Variants in TIAM2 observed in about 807,000 individuals in gnomAD.
The protein encoded by TIAM2 is rho guanine nucleotide exchange factor TIAM2.
In TIAM2, 80 loss-of-function variants were observed where a neutral mutation model predicts 152.9. The observed-to-expected ratio is 0.52, with a 90% CI of 0.44 to 0.63. The LOEUF (loss-of-function observed/expected upper bound fraction) is 0.63, where lower values mean the gene tolerates loss of function less well. TIAM2 is among the 30% of genes least tolerant of loss of function. The probability of loss-of-function intolerance (pLI) is 0.00; values close to 1 mark genes in which losing one functional copy is unlikely to be tolerated. For missense variants in TIAM2, 1,965 were observed against 2,120.1 expected (o/e 0.93, Z 1.44); for synonymous variants, 804 against 838.0 (o/e 0.96, Z 0.70).
chr6:154,998,185 C>G (rs374303498), intron 1 of TIAM2, among the ~76,000 whole-genome samples: 2 of 152,150 alleles, frequency 1.3e-5, no homozygotes, highest in South Asian at 4.1e-4. Context: ...TTTCTAGCCA[C>G]TCAGGTTTAC....
intron 1 of TIAM2, among the ~76,000 whole-genome samples, chr6:155,015,944 CA>C (rs3081689): frequency 0.087 from 5,378 of 61,846 alleles, 290 homozygotes; most frequent in African/African-American, 0.14. Context: ...TTCAAAAAAC[CA>C]AAAAAAAAAA....
chr6:155,187,664 C>T, intron 14 of TIAM2, among the ~76,000 whole-genome samples: 1 of 147,436 alleles, frequency 6.8e-6, no homozygotes, highest in African/African-American at 2.5e-5. Context: ...ACCGCAACCT[C>T]CACCTCCTGG....
intron 2 of TIAM2, among the ~76,000 whole-genome samples, chr6:155,099,548 GC>G (rs1395595604): frequency 6.6e-6 from 1 of 152,098 alleles, no homozygotes; most frequent in Non-Finnish European, 1.5e-5. Flanking sequence ...GTGGTATAAG[GC>G]TCACAAACGT....
chr6:155,106,161 C>T (rs1778683873), intron 2 of TIAM2, among the ~76,000 whole-genome samples: 1 of 151,908 alleles, frequency 6.6e-6, no homozygotes, highest in Non-Finnish European at 1.5e-5. Flanking sequence ...TGTATCACCA[C>T]ACCTGGCTAA....
rs200311020 is a variant in TIAM2, at chr6:155,129,445, C to T, written c.222C>T (p.Tyr74=). The change falls in exon 4 of 27, where the codon TAC becomes TAT. Residue 74 remains tyrosine, a synonymous_variant. Transcript: ENST00000682666. The surrounding 1 kb of genome is among the most constrained non-coding windows in gnomAD (Gnocchi z 4.8). ...CTCACTTTAAGAGTAACCAGCCTTA[C>T]GCATCGAGACTCGGTGGCCCCACAT... ...CLSHFKSNQP[Y]ASRLGGPTCK... 38 of 1,614,126 alleles carry T rather than the reference C, an allele frequency of 2.4e-5. No homozygotes were observed. Among genetic ancestry groups the T allele is most frequent in the African/African-American group, 2.1e-4 (16 of 75,034 alleles).
chr6:155,238,388 T>G (rs111500916), intron 15 of TIAM2, among the ~76,000 whole-genome samples: 1,870 of 152,334 alleles, frequency 0.012, 34 homozygotes, highest in Non-Finnish European at 0.015. Context: ...CCCTCCAAAC[T>G]GTTCCAACCT....
chr6:155,232,456 C>T (rs2115275288), intron 15 of TIAM2: 1 of 152,368 alleles, frequency 6.6e-6, no homozygotes, highest in East Asian at 1.9e-4. Context: ...AAACCACACC[C>T]TTTCTGGGGC....
intron 1 of TIAM2, among the ~76,000 whole-genome samples, chr6:155,081,880 C>T (rs1054307123): frequency 6.6e-6 from 1 of 152,088 alleles, no homozygotes; most frequent in Non-Finnish European, 1.5e-5. Context: ...CATTTTTGTT[C>T]TCGCTCAAGC....
chr6:155,239,943 G>A (rs550425638), intron 15 of TIAM2, among the ~76,000 whole-genome samples: 5 of 152,288 alleles, frequency 3.3e-5, no homozygotes, highest in African/African-American at 9.6e-5. Flanking sequence ...ACTAGCATGT[G>A]CACCAGCTCA....
chr6:155,092,786 C>T (rs1483092661), intron 2 of TIAM2, among the ~76,000 whole-genome samples: 1 of 152,058 alleles, frequency 6.6e-6, no homozygotes, highest in African/African-American at 2.4e-5. Flanking sequence ...ACCTGGGAGG[C>T]AGAGGTTGTG....
At chr6:155,152,652 A>G (rs1041423942) in intron 7 of TIAM2, among the ~76,000 whole-genome samples, 3 of 152,192 alleles carry the variant, frequency 2.0e-5, no homozygotes. Flanking sequence ...CAGAGTGTTC[A>G]GAGCACCCCA....
chr6:155,012,048 A>G (rs1377660344), intron 1 of TIAM2, among the ~76,000 whole-genome samples: 1 of 152,246 alleles, frequency 6.6e-6, no homozygotes. Flanking sequence ...TATTGTAAAT[A>G]TATCAAAGCT....
chr6:155,102,735 G>A (rs1778578964), intron 2 of TIAM2, among the ~76,000 whole-genome samples: 1 of 151,274 alleles, frequency 6.6e-6, no homozygotes, highest in African/African-American at 2.4e-5. Context: ...CTAGGTATTA[G>A]TAAAACATGG....
At chr6:155,081,214 T>C (rs1429232884) in intron 1 of TIAM2, among the ~76,000 whole-genome samples, 2 of 152,168 alleles carry the variant, frequency 1.3e-5, no homozygotes, top group African/African-American at 4.8e-5. Context: ...AGATTCTGCT[T>C]AAGTCCAGGG....
chr6:155,118,267 C>G (rs1030522363), intron 2 of TIAM2, among the ~76,000 whole-genome samples: 1 of 152,162 alleles, frequency 6.6e-6, no homozygotes, highest in Non-Finnish European at 1.5e-5. Flanking sequence ...ACACCTTTCC[C>G]TGAAGGAGCT....
intron 4 of TIAM2, among the ~76,000 whole-genome samples, chr6:155,134,270 T>C (rs1321836792): frequency 2.0e-5 from 3 of 152,222 alleles, no homozygotes; most frequent in African/African-American, 7.2e-5. Context: ...GGCTCTTTTT[T>C]ATTAGCCTGA....
intron 19 of TIAM2, among the ~76,000 whole-genome samples, chr6:155,247,436 C>T (rs1386111145): frequency 6.6e-6 from 1 of 152,120 alleles, no homozygotes; most frequent in Non-Finnish European, 1.5e-5. Flanking sequence ...TCAGGTGATT[C>T]TCCTCCCTCA....
intron 2 of TIAM2, among the ~76,000 whole-genome samples, chr6:155,115,539 G>A (rs1778987552): frequency 6.6e-6 from 1 of 152,116 alleles, no homozygotes; most frequent in Non-Finnish European, 1.5e-5. Flanking sequence ...TATAGTCCCA[G>A]CTACTTGGGA....
rs139515861 is a variant in TIAM2, at chr6:155,129,708, T to C, written c.485T>C (p.Leu162Pro). ...GAAGACCGCAAGAGCCCCCGAGTGCTCATCAAAACGCTGGGGAAGCTGGAT... is the reference window on the plus strand; with the variant it reads ...GAAGACCGCAAGAGCCCCCGAGTGCCCATCAAAACGCTGGGGAAGCTGGAT... ...PGEDRKSPRVLIKTLGKLDGC... is the reference protein window; with the variant it reads ...PGEDRKSPRVPIKTLGKLDGC... The change falls in exon 4 of 27, where the codon CTC becomes CCC. Residue 162 changes from leucine to proline, a missense_variant. By Grantham distance (98) the Leu-to-Pro change is moderately conservative. This residue lies in a region of TIAM2 where 1,025 missense variants were observed against 1,119.4 expected (regional missense o/e 0.92). Coordinates refer to ENST00000682666, the MANE Select transcript of TIAM2 (RefSeq NM_012454.4). The surrounding 1 kb of genome is among the most constrained non-coding windows in gnomAD (Gnocchi z 4.8). 1 of 1,614,050 alleles carries C rather than the reference T, an allele frequency of 6.2e-7. No individual in the cohort carries two copies. The highest frequency in any genetic ancestry group is 8.5e-7 in the Non-Finnish European group (1 of 1,180,020).
Sources: allele counts gnomAD v4.1 joint callset (sites outside exome capture counted in the v4.1 genomes callset), GRCh38; gene constraint gnomAD v4.1.1; regional missense constraint gnomAD v4.1.1; non-coding constraint Gnocchi (gnomAD v3.1); transcripts MANE v1.5; gene names NCBI Gene and HGNC (gene_info 2026-07-23, HGNC 2026-07-21).